PRKN: variants seen among roughly 807,000 people sequenced by gnomAD.
PRKN encodes the protein parkin RBR E3 ubiquitin protein ligase.
In PRKN, 56 loss-of-function variants were observed where a neutral mutation model predicts 59.5. The observed-to-expected ratio is 0.94, with a 90% CI of 0.76 to 1.18. The LOEUF (loss-of-function observed/expected upper bound fraction) is 1.18, where lower values mean the gene tolerates loss of function less well. Ranked by LOEUF, PRKN falls within the 50% of genes most tolerant of loss-of-function variation. The pLI is 0.00. For synonymous variants in PRKN, 250 were observed against 222.1 expected (o/e 1.13, Z -1.12); for missense variants, 657 against 596.4 (o/e 1.10, Z -1.06).
intron 1 of PRKN, chr6:162,643,834 A>G (rs780626254): frequency 6.6e-6 from 1 of 152,188 alleles, no homozygotes; most frequent in Non-Finnish European, 1.5e-5. Context: ...TAGTTCAGTT[A>G]ATACTCATTT....
In PRKN at chr6:161,502,431, C is replaced by T. The variant is rs922659227; in HGVS notation, c.1083+46423G>A. 6.6e-6 allele frequency among the ~76,000 whole-genome samples: 1 copy of T among 152,168 alleles called. No individual in the cohort carries two copies. Among genetic ancestry groups the T allele is most frequent in the African/African-American group, 2.4e-5 (1 of 41,432 alleles). Reference sequence around the variant, plus strand: ...GGTAAAGGACCCCTTCTAACCAACCCTGGGAAATTAGCAAGGTTTCCCAGC... The same window carrying T: ...GGTAAAGGACCCCTTCTAACCAACCTTGGGAAATTAGCAAGGTTTCCCAGC... On this transcript the variant is annotated intron_variant, in intron 9 of 11. Coordinates refer to ENST00000366898, the MANE Select transcript of PRKN (RefSeq NM_004562.3). This position sits in a 1 kb window ranked among gnomAD's most constrained non-coding sequence, Gnocchi z 4.0.
At chr6:162,424,564 T>C (rs1789131692) in intron 2 of PRKN, among the ~76,000 whole-genome samples, 2 of 151,994 alleles carry the variant, frequency 1.3e-5, no homozygotes, top group Admixed American at 1.3e-4. Context: ...TGAAATCCCG[T>C]CTCTACTAAA....
intron 1 of PRKN, among the ~76,000 whole-genome samples, chr6:162,444,248 G>A (rs555369543): frequency 1.3e-5 from 2 of 151,794 alleles, no homozygotes; most frequent in Non-Finnish European, 2.9e-5. Flanking sequence ...ATCTTTTCTA[G>A]AGTCTCATAA....
chr6:161,668,694 GA>G (rs1246053311), intron 7 of PRKN, among the ~76,000 whole-genome samples: 2 of 152,178 alleles, frequency 1.3e-5, no homozygotes, highest in Non-Finnish European at 2.9e-5. Flanking sequence ...ATATTGTGCA[GA>G]AAAAAATACA....
At position 161,373,848 on chromosome 6, in the gene PRKN, T is replaced by C. The variant is rs902857570; in HGVS notation, c.1167+12946A>G. Among the ~76,000 whole-genome samples, 2 of 152,136 alleles carry C rather than the reference T, an allele frequency of 1.3e-5. No homozygotes were observed. The highest frequency in any genetic ancestry group is 4.8e-5 in the African/African-American group (2 of 41,426). ...ATTATGGGGGCCAGGATCCAGCTGT[T>C]AGCTTTTCAAATCTGCACACCTCTC... On this transcript the variant is annotated intron_variant, in intron 10 of 11. Coordinates refer to ENST00000366898, the MANE Select transcript of PRKN (RefSeq NM_004562.3). This position sits in a 1 kb window ranked among gnomAD's most constrained non-coding sequence, Gnocchi z 4.8.
At chr6:161,818,414 T>C (rs1446219710) in intron 6 of PRKN, among the ~76,000 whole-genome samples, 1 of 151,932 alleles carries the variant, frequency 6.6e-6, no homozygotes, top group Non-Finnish European at 1.5e-5. Flanking sequence ...AGCTCACTGC[T>C]GCCTCAACCT....
chr6:161,698,366 C>T (rs923036880), intron 7 of PRKN, among the ~76,000 whole-genome samples: 12 of 152,016 alleles, frequency 7.9e-5, no homozygotes, highest in Non-Finnish European at 1.5e-4. Flanking sequence ...AATTATTCAT[C>T]CATTGAAACA....
chr6:162,582,425 G>A (rs1488531820), intron 1 of PRKN, among the ~76,000 whole-genome samples: 3 of 152,166 alleles, frequency 2.0e-5, no homozygotes, highest in Admixed American at 6.5e-5. Flanking sequence ...GGATACTGAG[G>A]ATAAAATATC....
intron 6 of PRKN, among the ~76,000 whole-genome samples, chr6:161,823,459 C>T (rs138599752): frequency 9.7e-4 from 147 of 152,072 alleles, no homozygotes; most frequent in South Asian, 1.7e-3. Flanking sequence ...TCCAAACAAA[C>T]GAATCTTTAA....
intron 2 of PRKN, among the ~76,000 whole-genome samples, chr6:162,435,536 T>C (rs889086725): frequency 6.6e-6 from 1 of 152,130 alleles, no homozygotes; most frequent in Non-Finnish European, 1.5e-5. Context: ...CAGACACAAA[T>C]AGATGAAATA....
Position 162,397,298 on chromosome 6 carries a change from T to G in PRKN, c.171+46012A>C, listed in dbSNP as rs1411168410. On this transcript the variant is annotated intron_variant, in intron 2 of 11. Transcript: ENST00000366898. ...GCAAACTCGGGAATATCAACAGATTTGAGATGTCTGAATTAACTTCGAGCA... is the reference window on the plus strand; with the variant it reads ...GCAAACTCGGGAATATCAACAGATTGGAGATGTCTGAATTAACTTCGAGCA... 2.6e-5 allele frequency among the ~76,000 whole-genome samples: 4 copies of G among 152,316 alleles called. No individual in the cohort carries two copies. In the East Asian group the frequency reaches 7.7e-4, roughly 29 times the overall value.
intron 1 of PRKN, among the ~76,000 whole-genome samples, chr6:162,532,648 A>T (rs551885134): frequency 4.6e-5 from 7 of 152,356 alleles, no homozygotes; most frequent in Non-Finnish European, 7.3e-5. Context: ...TAAGAAATGT[A>T]AACCACTTGT....
intron 1 of PRKN, among the ~76,000 whole-genome samples, chr6:162,539,499 T>G (rs576860891): frequency 6.6e-5 from 10 of 152,312 alleles, no homozygotes; most frequent in Admixed American, 3.9e-4. Context: ...GAAAAAATAT[T>G]AAGAGATCAG....
rs938810653 is a variant in PRKN, at chr6:161,582,413, C to T, written c.872-12997G>A. ...AACTAGGAAAGACTGCATCTGCAGA[C>T]TATTATTATTATTATTATTATTATT... On this transcript the variant is annotated intron_variant, in intron 7 of 11. Coordinates refer to ENST00000366898, the MANE Select transcript of PRKN (RefSeq NM_004562.3). This position sits in a 1 kb window ranked among gnomAD's most constrained non-coding sequence, Gnocchi z 4.4. Among the ~76,000 whole-genome samples the T allele has an allele frequency of 2.1e-5, 3 of 146,224 alleles. No homozygotes were observed. The highest frequency in any genetic ancestry group is 7.6e-5 in the African/African-American group (3 of 39,616).
At chr6:162,559,462 TC>T (rs1452850573) in intron 1 of PRKN, among the ~76,000 whole-genome samples, 2 of 152,064 alleles carry the variant, frequency 1.3e-5, no homozygotes, top group East Asian at 1.9e-4. Context: ...CCCATAGTTA[TC>T]ATTTAGGTTC....
At chr6:162,132,491 A>T (rs1181315127) in intron 4 of PRKN, among the ~76,000 whole-genome samples, 2 of 150,338 alleles carry the variant, frequency 1.3e-5, no homozygotes, top group East Asian at 4.0e-4. Context: ...GGAATATTTC[A>T]ATCTACACGA....
At position 161,355,321 on chromosome 6, in the gene PRKN, C is replaced by T. The variant is rs1784706770; in HGVS notation, c.1285+4767G>A. Among the ~76,000 whole-genome samples the T allele has an allele frequency of 6.6e-6, 1 of 152,242 alleles. No individual in the cohort carries two copies. The highest frequency in any genetic ancestry group is 1.5e-5 in the Non-Finnish European group (1 of 68,048). ...CGGGTCTGTGTGCCCTGATAGCTTGCTTCCTCTATGTTATTTTATTAAAAA... is the reference window on the plus strand; with the variant it reads ...CGGGTCTGTGTGCCCTGATAGCTTGTTTCCTCTATGTTATTTTATTAAAAA... On this transcript the variant is annotated intron_variant, in intron 11 of 11. Transcript: ENST00000366898. This position sits in a 1 kb window ranked among gnomAD's most constrained non-coding sequence, Gnocchi z 6.8.
At position 161,498,160 on chromosome 6, in the gene PRKN, C is replaced by G. The variant is rs1777822567; in HGVS notation, c.1083+50694G>C. 6.6e-6 allele frequency among the ~76,000 whole-genome samples: 1 copy of G among 152,178 alleles called. No individual in the cohort carries two copies. The highest frequency in any genetic ancestry group is 6.5e-5 in the Admixed American group (1 of 15,276). On this transcript the variant is annotated intron_variant, in intron 9 of 11. Coordinates refer to ENST00000366898, the MANE Select transcript of PRKN (RefSeq NM_004562.3). The surrounding 1 kb of genome is among the most constrained non-coding windows in gnomAD (Gnocchi z 4.2). ...AAGACAAATTATTGTTAATCAATTT[C>G]TAACCTATACTATTCATAATTTAGC...
At chr6:162,354,246 C>A (rs1034026363) in intron 2 of PRKN, among the ~76,000 whole-genome samples, 2 of 152,102 alleles carry the variant, frequency 1.3e-5, no homozygotes, top group Non-Finnish European at 1.5e-5. Context: ...TGTTATCATA[C>A]CTCGGTATTT....
Sources: gnomAD v4.1 joint callset for allele counts (sites outside exome capture counted in the v4.1 genomes callset) on GRCh38, gnomAD v4.1.1 for gene constraint, Gnocchi (gnomAD v3.1) non-coding constraint, MANE v1.5 for transcripts, NCBI Gene and HGNC (gene_info 2026-07-23, HGNC 2026-07-21) for gene names.